Variants in ESPNL observed in about 807,000 individuals in gnomAD.
ESPNL encodes the protein espin-like protein.
A neutral mutation model predicts 46.8 loss-of-function variants in ESPNL; 49 were observed. That is an observed-to-expected ratio of 1.05 (90% CI 0.83 to 1.33). ESPNL has a LOEUF of 1.33. ESPNL is among the 40% of genes most tolerant of loss of function. ESPNL has a pLI of 0.00. For synonymous variants in ESPNL, 664 were observed against 662.1 expected (o/e 1.00, Z -0.04); for missense variants, 1,540 against 1,436.6 (o/e 1.07, Z -1.16).
chr2:238,131,790 T>C lies in ESPNL; in HGVS notation c.*58T>C. On this transcript the variant is annotated 3_prime_UTR_variant, in exon 9 of 9. Coordinates refer to ENST00000343063, the MANE Select transcript of ESPNL (RefSeq NM_194312.4). ...TTGGGGGTGACTTGGAGTTTCTCTT[T>C]TCTTTTCCTTGCTCACACCCTTGGT... 1 of 1,519,586 alleles carries C rather than the reference T, an allele frequency of 6.6e-7. No individual in the cohort carries two copies. The highest frequency in any genetic ancestry group is 2.3e-5 in the East Asian group (1 of 43,956). 94.1% of individuals were successfully genotyped at this position (1,519,586 alleles called of 1,614,324 possible).
Position 238,127,670 on chromosome 2 carries a change from C to T in ESPNL, c.1151C>T (p.Pro384Leu). 6.2e-7 allele frequency: 1 copy of T among 1,612,964 alleles called. No homozygotes were observed. Among genetic ancestry groups the T allele is most frequent in the South Asian group, 1.1e-5 (1 of 90,810 alleles). The change falls in exon 7 of 9, where the codon CCC (proline) becomes CTC (leucine). Residue 384 changes from proline to leucine, a missense_variant. Transcript: ENST00000343063. The stretch of plus-strand genomic sequence containing the variant: ...CCTGGCCATCCTGACCAGCCTCTTC[C>T]CAGGGAGCAGATGACCAGCCCGGCC... Reference protein sequence around the residue: ...AWPGHPDQPLPREQMTSPAPP... With the variant: ...AWPGHPDQPLLREQMTSPAPP...
chr2:238,117,891 G>T (rs1222481415), intron 5 of ESPNL, among the ~76,000 whole-genome samples: 3 of 152,142 alleles, frequency 2.0e-5, no homozygotes, highest in Non-Finnish European at 4.4e-5. Flanking sequence ...AGCTCTGGAG[G>T]GTGGACAGAG....
chr2:238,131,025 GC>G lies in ESPNL; in HGVS notation c.2312del (p.Ala771GlyfsTer56), dbSNP rs1692313325. 1.3e-6 allele frequency: 2 copies of G among 1,539,202 alleles called. No homozygotes were observed. The highest frequency in any genetic ancestry group is 4.9e-5 in the East Asian group (2 of 40,766). ...VACRTLGARH[A>X]GLRGQEAARS... ...CTGCAGGACCCTAGGAGCCCGCCAC[GC>G]GGGGTTGCGGGGCCAGGAGGCCGCC... On this transcript the variant is annotated frameshift_variant, in exon 9 of 9. Transcript: ENST00000343063. LOFTEE classifies it low-confidence loss of function (END_TRUNC).
intron 5 of ESPNL, among the ~76,000 whole-genome samples, chr2:238,118,782 GAT>G (rs1691895886): frequency 1.5e-5 from 1 of 64,586 alleles, no homozygotes; most frequent in African/African-American, 1.0e-4. Flanking sequence ...GAGGAGGGGA[GAT>G]GGAGGAGGGT....
chr2:238,115,051 C>T lies in ESPNL; in HGVS notation c.856-1852C>T, dbSNP rs143093781. ...CTCTGCGGTTCTGGCGCTGGTCTTGCGGCGGTTCTGGCTCCGGTCTTGCGG... is the reference window on the plus strand; with the variant it reads ...CTCTGCGGTTCTGGCGCTGGTCTTGTGGCGGTTCTGGCTCCGGTCTTGCGG... On this transcript the variant is annotated intron_variant, in intron 4 of 8. Coordinates refer to ENST00000343063, the MANE Select transcript of ESPNL (RefSeq NM_194312.4). Among the ~76,000 whole-genome samples the T allele has an allele frequency of 9.2e-5, 14 of 152,286 alleles. No individual in the cohort carries two copies. The East Asian group carries it at 2.5e-3, about 27-fold the overall frequency.
chr2:238,101,047 C>A (rs1216923568), intron 1 of ESPNL, among the ~76,000 whole-genome samples: 1 of 152,204 alleles, frequency 6.6e-6, no homozygotes, highest in Non-Finnish European at 1.5e-5. Context: ...AGAAAGGGAT[C>A]CTTACAGAAG....
At chr2:238,127,396 T>TGCCG (rs1416042095) in intron 6 of ESPNL, 1 of 1,313,386 alleles carries the variant, frequency 7.6e-7, no homozygotes, top group Non-Finnish European at 9.7e-7. Flanking sequence ...CCCAGCGGTG[T>TGCCG]GCCGCAGGCT....
rs776414810 is a variant in ESPNL, at chr2:238,100,672, G to T, written c.253G>T (p.Glu85Ter). Reference sequence around the variant, plus strand: ...CGCCGCTGCCACGGGCAGCCTGGCCGAGCTGTGCTGGCTGGTCCGCGAGGG... The same window carrying T: ...CGCCGCTGCCACGGGCAGCCTGGCCTAGCTGTGCTGGCTGGTCCGCGAGGG... ...HDAAATGSLA[E>*]LCWLVREGGC... The change falls in exon 1 of 9, where the codon GAG becomes TAG. Residue 85 changes from glutamate to a stop codon, truncating the protein, a stop_gained. Coordinates refer to ENST00000343063, the MANE Select transcript of ESPNL (RefSeq NM_194312.4). LOFTEE classifies it high-confidence loss of function. 2.1e-6 allele frequency: 3 copies of T among 1,449,394 alleles called. No homozygotes were observed. The highest frequency in any genetic ancestry group is 1.8e-6 in the Non-Finnish European group (2 of 1,109,796). 89.8% of individuals were successfully genotyped at this position (1,449,394 alleles called of 1,614,324 possible).
In ESPNL at chr2:238,130,507, G is replaced by A. The variant is rs200507079; in HGVS notation, c.1793G>A (p.Arg598His). 6.2e-5 allele frequency: 99 copies of A among 1,598,306 alleles called. No individual in the cohort carries two copies. In the African/African-American group the frequency reaches 7.2e-4, roughly 12 times the overall value. ...PLPFWCSHIS[R>H]LVRSLSLLLK... ...CCCTTCTGGTGCAGCCACATCTCCC[G>A]CCTGGTACGCAGCCTGTCCCTGCTG... Residue 598 changes from arginine to histidine, a missense_variant, in exon 9 of 9, where the codon CGC (arginine) becomes CAC (histidine). Transcript: ENST00000343063.
chr2:238,102,035 C>T lies in ESPNL; in HGVS notation c.389C>T (p.Ala130Val), dbSNP rs767617557. The change falls in exon 2 of 9, where the codon GCC (alanine) becomes GTC (valine). Residue 130 changes from alanine to valine, a missense_variant. Ala to Val is a moderately conservative substitution (Grantham distance 64). Transcript: ENST00000343063. The stretch of plus-strand genomic sequence containing the variant: ...TGGCTGCTCCACGAGGGCCACTCGG[C>T]CACGCTAGAGACCCGGGAGGGAGCC... ...VEWLLHEGHS[A>V]TLETREGARP... is the part of the protein sequence containing the mutation. 3.1e-6 allele frequency: 5 copies of T among 1,605,188 alleles called. No homozygotes were observed. In the African/African-American group the frequency reaches 6.7e-5, roughly 21 times the overall value.
chr2:238,116,511 C>T lies in ESPNL; in HGVS notation c.856-392C>T, dbSNP rs139829577. ...AGCCCTGAGTCCCTGGGGCAGGGGC[C>T]GGTTGCTTGTCTCTCTGAGCCTCGT... On this transcript the variant is annotated intron_variant, in intron 4 of 8. Transcript: ENST00000343063. 1.8e-3 allele frequency among the ~76,000 whole-genome samples: 268 copies of T among 152,178 alleles called. 2 individuals carry two copies. Among genetic ancestry groups the T allele is most frequent in the African/African-American group, 6.1e-3 (253 of 41,504 alleles).
chr2:238,128,490 C>T (rs973779752), intron 7 of ESPNL, among the ~76,000 whole-genome samples: 1 of 152,186 alleles, frequency 6.6e-6, no homozygotes, highest in Non-Finnish European at 1.5e-5. Flanking sequence ...TCACACACAT[C>T]TTACCCCGCC....
At position 238,130,574 on chromosome 2, in the gene ESPNL, A is replaced by G. The variant is rs1183037095; in HGVS notation, c.1860A>G (p.Pro620=). Residue 620 remains proline, a synonymous_variant, in exon 9 of 9, where the codon CCA becomes CCG. Transcript: ENST00000343063. The stretch of plus-strand genomic sequence containing the variant: ...GGCTAGTACAGGGGGATGAGAAGCC[A>G]TCCACCCGGCCCCTGCAGGACACCT... ...VHGLVQGDEK[P]STRPLQDTCR... is the part of the protein sequence containing the mutation. 5 of 1,578,690 alleles carry G rather than the reference A, an allele frequency of 3.2e-6. No homozygotes were observed. The highest frequency in any genetic ancestry group is 4.3e-6 in the Non-Finnish European group (5 of 1,162,596).
At position 238,123,539 on chromosome 2, in the gene ESPNL, C is replaced by T. The variant is rs190111041; in HGVS notation, c.988-1731C>T. Reference sequence around the variant, plus strand: ...TCCATCTCCCAGAGCATCCCCTCCCCGGCCCCTGCTCTGTGGACAGTTAAA... The same window carrying T: ...TCCATCTCCCAGAGCATCCCCTCCCTGGCCCCTGCTCTGTGGACAGTTAAA... On this transcript the variant is annotated intron_variant, in intron 5 of 8. Transcript: ENST00000343063. 4.0e-3 allele frequency among the ~76,000 whole-genome samples: 605 copies of T among 152,278 alleles called. 4 individuals carry two copies. Among genetic ancestry groups the T allele is most frequent in the African/African-American group, 0.013 (555 of 41,538 alleles).
Position 238,131,393 on chromosome 2 carries a change from C to G in ESPNL, c.2679C>G (p.Gly893=). Reference sequence around the variant, plus strand: ...TCTTCGAGCACCTGGGCACCCACGGCTGGGAGGCTGTGCGCGCCTTCCACA... The same window carrying G: ...TCTTCGAGCACCTGGGCACCCACGGGTGGGAGGCTGTGCGCGCCTTCCACA... ...FEVFEHLGTH[G]WEAVRAFHKA... is the part of the protein sequence containing the mutation. The change falls in exon 9 of 9, where the codon GGC becomes GGG. Residue 893 remains glycine (G), a synonymous_variant. Coordinates refer to ENST00000343063, the MANE Select transcript of ESPNL (RefSeq NM_194312.4). 6.2e-7 allele frequency: 1 copy of G among 1,606,356 alleles called. No individual in the cohort carries two copies. Among genetic ancestry groups the G allele is most frequent in the African/African-American group, 1.3e-5 (1 of 74,956 alleles).
At chr2:238,100,800 C>T (rs1691451100) in intron 1 of ESPNL, 87 bp downstream of exon 1, 3 of 1,194,588 alleles carry the variant, frequency 2.5e-6, no homozygotes, top group Non-Finnish European at 1.1e-6. Flanking sequence ...AGAGTACTGG[C>T]CACCCCGGGC....
chr2:238,113,933 C>G (rs370561319), intron 4 of ESPNL, among the ~76,000 whole-genome samples: 21 of 152,148 alleles, frequency 1.4e-4, no homozygotes, highest in African/African-American at 5.1e-4. Context: ...CCCCTCACCC[C>G]CCAGGCTTTC....
Position 238,130,338 on chromosome 2 carries a change from C to T in ESPNL, c.1624C>T (p.Pro542Ser), listed in dbSNP as rs748830297. The T allele has an allele frequency of 6.8e-6, 11 of 1,607,856 alleles. No homozygotes were observed. The Admixed American group carries it at 1.9e-4, about 27-fold the overall frequency. ...GGCGGCTGAGCTGCAGGCCCTGCTG[C>T]CCGAGCCCCTGGTCAGCATCACGGT... is the stretch of plus-strand genomic sequence containing the variant. ...RLAAELQALL[P>S]EPLVSITVNS... is the part of the protein sequence containing the mutation. The change falls in exon 9 of 9, where the codon CCC becomes TCC. Residue 542 changes from proline (P) to serine (S), a missense_variant. Transcript: ENST00000343063.
At chr2:238,116,781 C>A (rs1691825529) in intron 4 of ESPNL, 122 bp from the exon 5 acceptor site, 1 of 1,310,698 alleles carries the variant, frequency 7.6e-7, no homozygotes, top group African/African-American at 1.5e-5. Flanking sequence ...AGTCCTGCCC[C>A]TGCTGGGAAG....
Sources: gnomAD v4.1 joint callset for allele counts (sites outside exome capture counted in the v4.1 genomes callset) on GRCh38, gnomAD v4.1.1 for gene constraint, MANE v1.5 for transcripts, NCBI Gene and HGNC (gene_info 2026-07-23, HGNC 2026-07-21) for gene names.